The following KLF8 variants were observed in gnomAD, a reference collection of about 807,000 sequenced individuals.
KLF8 encodes KLF transcription factor 8, also known as Krueppel-like factor 8.
Under a neutral mutation model 18.2 loss-of-function variants are expected in KLF8, and 10 were observed. The observed-to-expected ratio is 0.55, with a 90% CI of 0.34 to 0.93. KLF8 has a LOEUF of 0.93. Ranked by LOEUF, KLF8 falls within the 40% of genes least tolerant of loss-of-function variation. KLF8 has a pLI of 0.02. For missense variants in KLF8, 264 were observed against 277.9 expected, an observed-to-expected ratio of 0.95 and a Z score of 0.36; for synonymous variants, 109 against 97.3, an observed-to-expected ratio of 1.12 and a Z score of -0.71.
the KLF8 span, among the ~76,000 whole-genome samples, chrX:56,158,670 C>T: frequency 8.9e-6 from 1 of 111,904 alleles, no homozygotes; most frequent in Non-Finnish European, 1.9e-5. Flanking sequence ...TGGGAGTTCA[C>T]TCATGATTTG....
At chrX:55,942,628 C>T in the KLF8 span, among the ~76,000 whole-genome samples, 9 of 111,480 alleles carry the variant, frequency 8.1e-5, no homozygotes, top group Non-Finnish European at 1.7e-4. Flanking sequence ...GAAGGGTGAG[C>T]GACTAGAACG....
At chrX:56,032,787 A>T in the KLF8 span, among the ~76,000 whole-genome samples, 1 of 112,000 alleles carries the variant, frequency 8.9e-6, no homozygotes, top group Non-Finnish European at 1.9e-5. Context: ...GCTGTTTTAA[A>T]CATTTGCAGA....
At chrX:56,127,859 C>T in the KLF8 span, among the ~76,000 whole-genome samples, 3 of 110,937 alleles carry the variant, frequency 2.7e-5, no homozygotes, top group Non-Finnish European at 3.8e-5. Flanking sequence ...TATGTTGGCC[C>T]TCCAGAAAGA....
At chrX:56,186,618 A>G in the KLF8 span, among the ~76,000 whole-genome samples, 4 of 111,749 alleles carry the variant, frequency 3.6e-5, no homozygotes, top group South Asian at 1.1e-3. Context: ...TTGACCACAT[A>G]GTTGGAAGTA....
At chrX:56,120,996 C>G in the KLF8 span, among the ~76,000 whole-genome samples, 1 of 110,145 alleles carries the variant, frequency 9.1e-6, no homozygotes, top group South Asian at 3.9e-4. Context: ...ACCATCCTGG[C>G]TAACACAGTG....
At chrX:56,131,858 C>T in the KLF8 span, among the ~76,000 whole-genome samples, 1 of 111,838 alleles carries the variant, frequency 8.9e-6, no homozygotes, top group East Asian at 2.8e-4. Flanking sequence ...ACAAAACAAA[C>T]TTTAATAAAG....
Position 56,288,945 on chromosome X carries a change from C to G in KLF8, c.*4451C>G, listed in dbSNP as rs1000892398. ...CCTGTACTCTTTTTTTCCTCCCCTC[C>G]ATACTGTACTCTCTGAAAGGAAATC... On this transcript the variant is annotated 3_prime_UTR_variant, in exon 6 of 6. Coordinates refer to ENST00000468660, the MANE Select transcript of KLF8 (RefSeq NM_007250.5). Among the ~76,000 whole-genome samples, 1 of 111,784 alleles carries G rather than the reference C, an allele frequency of 8.9e-6. No homozygotes were observed. Among genetic ancestry groups the G allele is most frequent in the African/African-American group, 3.3e-5 (1 of 30,716 alleles).
the KLF8 span, among the ~76,000 whole-genome samples, chrX:56,151,389 A>T: frequency 8.9e-6 from 1 of 111,970 alleles, no homozygotes; most frequent in South Asian, 3.7e-4. Flanking sequence ...TTGCAAGTAC[A>T]GACAAGAGTA....
the KLF8 span, among the ~76,000 whole-genome samples, chrX:56,056,799 A>G: frequency 3.6e-4 from 37 of 101,406 alleles, 1 homozygote; most frequent in South Asian, 0.016. Flanking sequence ...TAAAGTATAT[A>G]TAAAAAAAAA....
the KLF8 span, among the ~76,000 whole-genome samples, chrX:55,976,073 C>T: frequency 8.9e-6 from 1 of 111,834 alleles, no homozygotes; most frequent in South Asian, 3.7e-4. Flanking sequence ...CACGCCATTG[C>T]ACTCCAGCCT....
At chrX:56,282,866 A>G (rs1234670651) in intron 5 of KLF8, among the ~76,000 whole-genome samples, 2 of 112,068 alleles carry the variant, frequency 1.8e-5, no homozygotes, top group Non-Finnish European at 3.8e-5. Flanking sequence ...ATTGTTGCTC[A>G]TATAGCTTAT....
chrX:56,194,315 A>T, the KLF8 span, among the ~76,000 whole-genome samples: 13 of 111,749 alleles, frequency 1.2e-4, no homozygotes, highest in East Asian at 3.7e-3. Context: ...TCCTACCCAA[A>T]GGAAGCCATG....
chrX:56,256,914 G>C (rs752704893), intron 2 of KLF8, among the ~76,000 whole-genome samples: 1 of 111,585 alleles, frequency 9.0e-6, no homozygotes, highest in East Asian at 2.8e-4. Context: ...TGTTGGTCAG[G>C]CTGGTCTCGA....
the KLF8 span, among the ~76,000 whole-genome samples, chrX:55,943,334 C>G: frequency 9.1e-6 from 1 of 110,274 alleles, no homozygotes; most frequent in Non-Finnish European, 1.9e-5. Context: ...CAACACGGTA[C>G]TAGATTAGAT....
At chrX:56,041,101 G>T in the KLF8 span, among the ~76,000 whole-genome samples, 2 of 107,749 alleles carry the variant, frequency 1.9e-5, no homozygotes, top group South Asian at 8.4e-4. Context: ...TGAGGTCAGT[G>T]ATGACATCCG....
the KLF8 span, among the ~76,000 whole-genome samples, chrX:56,161,448 T>C: frequency 8.9e-6 from 1 of 112,194 alleles, no homozygotes. Flanking sequence ...CCCATATTTG[T>C]TGGAAGCTTT....
chrX:56,185,629 G>T, the KLF8 span, among the ~76,000 whole-genome samples: 3 of 111,846 alleles, frequency 2.7e-5, no homozygotes, highest in East Asian at 8.4e-4. Context: ...AGAGAGAAAG[G>T]TCGAGTTACC....
the KLF8 span, among the ~76,000 whole-genome samples, chrX:56,095,373 A>G: frequency 3.5e-5 from 4 of 112,946 alleles, no homozygotes; most frequent in Admixed American, 3.7e-4. Flanking sequence ...GAACACTAGA[A>G]GAAAACTCAG....
chrX:56,083,928 TG>T, the KLF8 span, among the ~76,000 whole-genome samples: 1 of 111,898 alleles, frequency 8.9e-6, no homozygotes, highest in African/African-American at 3.2e-5. Context: ...TCCAGGAAAC[TG>T]GTCCCTGGTG....
Sources: gnomAD v4.1 joint callset for allele counts (sites outside exome capture counted in the v4.1 genomes callset) on GRCh38, gnomAD v4.1.1 for gene constraint, MANE v1.5 for transcripts, NCBI Gene and HGNC (gene_info 2026-07-23, HGNC 2026-07-21) for gene names.